CLIC5: variants seen among roughly 807,000 people sequenced by gnomAD.
The protein encoded by CLIC5 is CLIC family member 5.
CLIC5 carries 20 observed loss-of-function variants against 24.7 expected under a neutral mutation model. The observed-to-expected ratio is 0.81, with a 90% CI of 0.57 to 1.18. The LOEUF is 1.18. CLIC5 is among the 50% of genes most tolerant of loss of function. The probability of loss-of-function intolerance (pLI) is 0.00; values close to 1 mark genes in which losing one functional copy is unlikely to be tolerated. For synonymous variants in CLIC5, 159 were observed against 135.6 expected, an observed-to-expected ratio of 1.17 and a Z score of -1.20; for missense variants, 341 against 326.1, an observed-to-expected ratio of 1.05 and a Z score of -0.35.
chr6:45,982,946 G>A (rs1212078346), intron 1 of CLIC5, among the ~76,000 whole-genome samples: 1 of 152,166 alleles, frequency 6.6e-6, no homozygotes, highest in Non-Finnish European at 1.5e-5. Context: ...ATCTAGAAAT[G>A]GAATAAGCCT....
chr6:46,092,993 T>G, the CLIC5 span, among the ~76,000 whole-genome samples: 1 of 152,192 alleles, frequency 6.6e-6, no homozygotes. Flanking sequence ...TCTTTGTCTC[T>G]TACCCCTCCC....
intron 1 of CLIC5, among the ~76,000 whole-genome samples, chr6:46,029,592 A>C (rs1767441389): frequency 6.6e-6 from 1 of 152,194 alleles, no homozygotes; most frequent in Non-Finnish European, 1.5e-5. Context: ...ATGTTTAACA[A>C]GAAACTAATT....
intron 1 of CLIC5, among the ~76,000 whole-genome samples, chr6:46,021,012 T>C (rs1030672457): frequency 6.8e-6 from 1 of 146,930 alleles, no homozygotes; most frequent in African/African-American, 2.5e-5. Flanking sequence ...ACCAATTCCA[T>C]GCAATCTCTT....
chr6:46,009,737 A>G (rs181739634), intron 1 of CLIC5, among the ~76,000 whole-genome samples: 13 of 152,268 alleles, frequency 8.5e-5, no homozygotes, highest in African/African-American at 3.1e-4. Context: ...AAAATCTGCA[A>G]AGAGAACCAG....
chr6:45,950,704 A>T (rs938941734), intron 2 of CLIC5, among the ~76,000 whole-genome samples: 1 of 152,216 alleles, frequency 6.6e-6, no homozygotes, highest in African/African-American at 2.4e-5. Context: ...TTCGGCTTTC[A>T]GTTAAATGTG....
the CLIC5 span, among the ~76,000 whole-genome samples, chr6:46,108,112 T>TA: frequency 2.0e-5 from 3 of 150,866 alleles, no homozygotes; most frequent in Non-Finnish European, 4.4e-5. Context: ...TATAAGACGT[T>TA]AAAAAGGGTT....
chr6:46,033,892 T>A (rs1168636218), intron 1 of CLIC5, among the ~76,000 whole-genome samples: 2 of 152,162 alleles, frequency 1.3e-5, no homozygotes, highest in African/African-American at 4.8e-5. Flanking sequence ...GTTTTAAGAG[T>A]AAGCAGAGTA....
chr6:46,058,708 C>A (rs554972159), intron 1 of CLIC5, among the ~76,000 whole-genome samples: 5 of 152,272 alleles, frequency 3.3e-5, no homozygotes, highest in African/African-American at 9.6e-5. Context: ...TCACTACAAC[C>A]TTTACAAACC....
chr6:46,022,419 A>C (rs1767210657), intron 1 of CLIC5, among the ~76,000 whole-genome samples: 1 of 152,202 alleles, frequency 6.6e-6, no homozygotes, highest in Non-Finnish European at 1.5e-5. Context: ...AGACAATCTC[A>C]AGGACTTGAG....
intron 1 of CLIC5, among the ~76,000 whole-genome samples, chr6:45,974,030 T>C (rs1765292463): frequency 6.6e-6 from 1 of 152,140 alleles, no homozygotes; most frequent in South Asian, 2.1e-4. Flanking sequence ...TATGTATTAT[T>C]CTAGAGGGAG....
exon 1 of CLIC5, chr6:46,079,711 A>C: frequency 6.4e-7 from 1 of 1,550,528 alleles, no homozygotes; most frequent in Non-Finnish European, 8.7e-7. Flanking sequence ...ACCTTCACAA[A>C]GAGGTAAATC....
chr6:45,913,947 A>G (rs1034535579), intron 5 of CLIC5: 1 of 556,746 alleles, frequency 1.8e-6, no homozygotes, highest in Non-Finnish European at 2.7e-6. Flanking sequence ...ACTATTACAC[A>G]TATTAAGCCC....
chr6:45,940,691 C>T (rs10080524), intron 4 of CLIC5, among the ~76,000 whole-genome samples: 4,439 of 152,246 alleles, frequency 0.029, 202 homozygotes, highest in African/African-American at 0.1. Context: ...TGAGGCTGTC[C>T]TGTCATCCCA....
intron 3 of CLIC5, among the ~76,000 whole-genome samples, chr6:45,946,960 C>T (rs1228941210): frequency 2.0e-5 from 3 of 152,184 alleles, no homozygotes; most frequent in Non-Finnish European, 4.4e-5. Context: ...TTCATAAAAC[C>T]TCCTATACAC....
At chr6:46,077,602 G>A (rs983948297) in intron 1 of CLIC5, among the ~76,000 whole-genome samples, 8 of 152,078 alleles carry the variant, frequency 5.3e-5, no homozygotes, top group African/African-American at 1.9e-4. Context: ...CTTCAGTGAA[G>A]ATAGGGCCGA....
intron 1 of CLIC5, among the ~76,000 whole-genome samples, chr6:45,971,398 C>T (rs1190940185): frequency 3.9e-5 from 6 of 152,270 alleles, no homozygotes; most frequent in Admixed American, 2.6e-4. Context: ...ATGGTCATCT[C>T]GTCTCCACCC....
intron 4 of CLIC5, among the ~76,000 whole-genome samples, chr6:45,932,403 G>A (rs111988811): frequency 1.2e-4 from 19 of 152,204 alleles, no homozygotes; most frequent in East Asian, 5.8e-4. Context: ...CACCATGCCC[G>A]GCCTAATTGT....
chr6:46,083,793 G>C (rs984538405), upstream of CLIC5, among the ~76,000 whole-genome samples: 3 of 151,928 alleles, frequency 2.0e-5, no homozygotes, highest in Middle Eastern at 6.8e-3. Context: ...TATTAGGTCT[G>C]CTTGGTGCAG....
At chr6:46,042,423 A>C (rs1767832713) in intron 1 of CLIC5, among the ~76,000 whole-genome samples, 1 of 152,064 alleles carries the variant, frequency 6.6e-6, no homozygotes, top group Non-Finnish European at 1.5e-5. Flanking sequence ...AATTTATTTA[A>C]ATTCCCTTCA....
Sources: gnomAD v4.1 joint callset for allele counts (sites outside exome capture counted in the v4.1 genomes callset) on GRCh38, gnomAD v4.1.1 for gene constraint, MANE v1.5 for transcripts, NCBI Gene and HGNC (gene_info 2026-07-23, HGNC 2026-07-21) for gene names.